RIMS1: variants seen among roughly 807,000 people sequenced by gnomAD.
RIMS1 encodes regulating synaptic membrane exocytosis protein 1.
A neutral mutation model predicts 214.1 loss-of-function variants in RIMS1; 83 were observed. The observed-to-expected ratio is 0.39, with a 90% CI of 0.32 to 0.47. The LOEUF (loss-of-function observed/expected upper bound fraction) is 0.47, where lower values mean the gene tolerates loss of function less well. RIMS1 is among the 20% of genes least tolerant of loss of function. The probability of loss-of-function intolerance (pLI) is 0.99; values close to 1 mark genes in which losing one functional copy is unlikely to be tolerated. For synonymous variants in RIMS1, 793 were observed against 786.8 expected (o/e 1.01, Z -0.13); for missense variants, 2,050 against 2,161.8 (o/e 0.95, Z 1.03).
At chr6:71,926,568 A>C (rs911911796) in intron 1 of RIMS1, among the ~76,000 whole-genome samples, 1 of 152,224 alleles carries the variant, frequency 6.6e-6, no homozygotes, top group Non-Finnish European at 1.5e-5. Flanking sequence ...TTGTACAAAC[A>C]AACCCAAACT....
intron 4 of RIMS1, among the ~76,000 whole-genome samples, chr6:72,137,784 T>G (rs968599666): frequency 6.7e-6 from 1 of 149,736 alleles, no homozygotes; most frequent in African/African-American, 2.5e-5. Flanking sequence ...TCGCCCAGGC[T>G]GGAGTGCAGT....
intron 1 of RIMS1, among the ~76,000 whole-genome samples, chr6:71,891,650 T>G (rs549519421): frequency 6.6e-6 from 1 of 152,320 alleles, no homozygotes; most frequent in Admixed American, 6.5e-5. Flanking sequence ...TATGCAGGTA[T>G]CATATTTTCA....
At chr6:72,046,625 T>C (rs1823141659) in intron 2 of RIMS1, among the ~76,000 whole-genome samples, 1 of 152,080 alleles carries the variant, frequency 6.6e-6, no homozygotes, top group African/African-American at 2.4e-5. Flanking sequence ...TTGCTATAAA[T>C]TGGGGGTTCA....
intron 29 of RIMS1, among the ~76,000 whole-genome samples, chr6:72,362,375 A>C (rs1417267403): frequency 6.6e-6 from 1 of 152,180 alleles, no homozygotes; most frequent in African/African-American, 2.4e-5. Flanking sequence ...CCAAGTCGGG[A>C]CATCATGGTA....
intron 2 of RIMS1, among the ~76,000 whole-genome samples, chr6:72,030,567 A>G (rs1817797592): frequency 6.6e-6 from 1 of 152,124 alleles, no homozygotes; most frequent in Non-Finnish European, 1.5e-5. Context: ...TTCTATGATT[A>G]TAAAATAACA....
chr6:72,258,082 A>G (rs755103797), intron 16 of RIMS1, 43 bp from the exon 17 acceptor site: 1 of 1,559,676 alleles, frequency 6.4e-7, no homozygotes, highest in South Asian at 1.1e-5. Flanking sequence ...TTTGCATTAT[A>G]GAAGAATACT....
intron 6 of RIMS1, among the ~76,000 whole-genome samples, chr6:72,218,618 T>C (rs1295132347): frequency 6.6e-6 from 1 of 152,238 alleles, no homozygotes; most frequent in Non-Finnish European, 1.5e-5. Flanking sequence ...GAGTGGCTAA[T>C]AATTGCCAGT....
chr6:72,168,759 C>G (rs1252049249), intron 4 of RIMS1, among the ~76,000 whole-genome samples: 3 of 127,170 alleles, frequency 2.4e-5, no homozygotes, highest in African/African-American at 9.0e-5. Flanking sequence ...GGGAGACTGC[C>G]TTTTCCTGGT....
chr6:71,976,071 A>C (rs1435654716), intron 2 of RIMS1, among the ~76,000 whole-genome samples: 1 of 152,222 alleles, frequency 6.6e-6, no homozygotes. Context: ...TTGAGTATAT[A>C]CCTAGGAATA....
At chr6:71,992,610 C>CCTTCTTCTT (rs34650202) in intron 2 of RIMS1, among the ~76,000 whole-genome samples, 49 of 146,526 alleles carry the variant, frequency 3.3e-4, no homozygotes, top group African/African-American at 1.2e-3. Context: ...TTCTCCTTCT[C>CCTTCTTCTT]CTTCTTCTTC....
At chr6:72,365,383 A>G (rs2097959728) in intron 29 of RIMS1, among the ~76,000 whole-genome samples, 1 of 152,216 alleles carries the variant, frequency 6.6e-6, no homozygotes. Context: ...TCTGAGAGGC[A>G]GATACATTGT....
At chr6:72,387,258 A>G (rs1015806695) in intron 29 of RIMS1, among the ~76,000 whole-genome samples, 7 of 152,162 alleles carry the variant, frequency 4.6e-5, no homozygotes, top group Non-Finnish European at 7.4e-5. Context: ...TTTCTCCTCC[A>G]GTTTTCAGCA....
At chr6:72,307,698 G>A (rs1346205211) in intron 27 of RIMS1, among the ~76,000 whole-genome samples, 2 of 152,066 alleles carry the variant, frequency 1.3e-5, no homozygotes, top group African/African-American at 4.8e-5. Context: ...AGTGAGCCGA[G>A]ATCGCACCAC....
Position 72,130,868 on chromosome 6 carries a change from C to A in RIMS1, c.471+30882C>A, listed in dbSNP as rs554450720. On this transcript the variant is annotated intron_variant, in intron 4 of 33. Coordinates refer to ENST00000521978, the MANE Select transcript of RIMS1 (RefSeq NM_014989.7). Reference sequence around the variant, plus strand: ...GATACAAAGGCCAGGCATTTCTTTGCAAAAATAAAGAAATTGGCAAAATAT... The same window carrying A: ...GATACAAAGGCCAGGCATTTCTTTGAAAAAATAAAGAAATTGGCAAAATAT... 5.9e-5 allele frequency among the ~76,000 whole-genome samples: 9 copies of A among 151,964 alleles called. No individual in the cohort carries two copies. In the East Asian group the frequency reaches 1.4e-3, roughly 23 times the overall value.
intron 4 of RIMS1, among the ~76,000 whole-genome samples, chr6:72,162,453 T>C (rs542193098): frequency 7.1e-6 from 1 of 141,000 alleles, no homozygotes; most frequent in East Asian, 2.0e-4. Context: ...GTTATTTTGC[T>C]TGTTAGTTGA....
chr6:72,368,454 A>C (rs1056783098), intron 29 of RIMS1, among the ~76,000 whole-genome samples: 2 of 123,838 alleles, frequency 1.6e-5, no homozygotes, highest in African/African-American at 2.8e-5. Flanking sequence ...ACGCCCAGAT[A>C]ATTTTTTTTT....
intron 2 of RIMS1, among the ~76,000 whole-genome samples, chr6:72,004,009 T>A (rs1806357971): frequency 9.2e-6 from 1 of 108,252 alleles, no homozygotes; most frequent in East Asian, 3.2e-4. Flanking sequence ...CCTAATGCTA[T>A]CCCTCCCCCC....
chr6:72,154,719 C>T lies in RIMS1; in HGVS notation c.472-24856C>T, dbSNP rs563350997. Among the ~76,000 whole-genome samples the T allele has an allele frequency of 3.5e-5, 5 of 140,868 alleles. 1 individual carries two copies. The highest frequency in any genetic ancestry group is 1.2e-4 in the African/African-American group (5 of 40,764). 92.4% of individuals were successfully genotyped at this position (140,868 alleles called of 152,430 possible). Reference sequence around the variant, plus strand: ...GAAACATCAAAGAGGATAAAAAGAACAGTTTCACTTCTTGTATCCCACTTT... The same window carrying T: ...GAAACATCAAAGAGGATAAAAAGAATAGTTTCACTTCTTGTATCCCACTTT... On this transcript the variant is annotated intron_variant, in intron 4 of 33. Coordinates refer to ENST00000521978, the MANE Select transcript of RIMS1 (RefSeq NM_014989.7).
intron 4 of RIMS1, among the ~76,000 whole-genome samples, chr6:72,133,654 C>T (rs1467173624): frequency 2.0e-5 from 3 of 152,226 alleles, no homozygotes; most frequent in East Asian, 1.9e-4. Flanking sequence ...AATCTCAGCT[C>T]ATCTACTCAC....
Sources: gnomAD v4.1 joint callset for allele counts (sites outside exome capture counted in the v4.1 genomes callset) on GRCh38, gnomAD v4.1.1 for gene constraint, MANE v1.5 for transcripts, NCBI Gene and HGNC (gene_info 2026-07-23, HGNC 2026-07-21) for gene names.